Variants in UBE2G1 observed in about 807,000 individuals in gnomAD.
UBE2G1 encodes ubiquitin conjugating enzyme E2 G1.
A neutral mutation model predicts 22.7 loss-of-function variants in UBE2G1; 5 were observed. The ratio of observed to expected loss-of-function variants is 0.22; its 90% CI spans 0.12 to 0.46. The LOEUF (loss-of-function observed/expected upper bound fraction) is 0.46, where lower values mean the gene tolerates loss of function less well. Ranked by LOEUF, UBE2G1 falls within the 20% of genes least tolerant of loss-of-function variation. The probability of loss-of-function intolerance (pLI) is 0.99; values close to 1 mark genes in which losing one functional copy is unlikely to be tolerated. For synonymous variants in UBE2G1, 74 were observed against 67.5 expected (o/e 1.10, Z -0.47); for missense variants, 88 against 203.9 (o/e 0.43, Z 3.46).
intron 1 of UBE2G1, among the ~76,000 whole-genome samples, chr17:4,338,453 G>C (rs1313105301): frequency 6.6e-6 from 1 of 152,054 alleles, no homozygotes; most frequent in Admixed American, 6.6e-5. Flanking sequence ...CCGAAGATTC[G>C]CATAAGTTAC....
chr17:4,351,608 A>G (rs916111965), intron 1 of UBE2G1, among the ~76,000 whole-genome samples: 8 of 152,240 alleles, frequency 5.3e-5, no homozygotes, highest in Admixed American at 1.3e-4. Context: ...TGAAAATCAG[A>G]AATTATTCTG....
intron 5 of UBE2G1, among the ~76,000 whole-genome samples, chr17:4,282,412 T>G (rs190483379): frequency 6.6e-6 from 1 of 152,196 alleles, no homozygotes; most frequent in African/African-American, 2.4e-5. Context: ...AATAGGTAGA[T>G]GACTAATAGT....
rs1208733897 is a variant in UBE2G1 at position 4,270,620 on chromosome 17, G to C, written c.*1934C>G. 1 of 148,480 alleles carries C rather than the reference G, an allele frequency of 6.7e-6. No individual in the cohort carries two copies. The highest frequency in any genetic ancestry group is 2.5e-5 in the African/African-American group (1 of 40,638). The allele number at this position is 148,480 out of a possible 1,614,324, so 9.2% of individuals were successfully genotyped here. On this transcript the variant is annotated 3_prime_UTR_variant, in exon 6 of 6. Transcript: ENST00000396981. ...GGAGGGTGTGCAGTGCTGACATTTT[G>C]GGGCAACTATTTTTACAGTCTTTGG...
At chr17:4,298,774 G>A (rs909912917) in intron 2 of UBE2G1, among the ~76,000 whole-genome samples, 2 of 152,114 alleles carry the variant, frequency 1.3e-5, no homozygotes, top group Non-Finnish European at 2.9e-5. Flanking sequence ...ACTAGATGGG[G>A]AAACTGTACA....
intron 3 of UBE2G1, among the ~76,000 whole-genome samples, chr17:4,291,503 A>C (rs1969041354): frequency 6.6e-6 from 1 of 152,178 alleles, no homozygotes; most frequent in Non-Finnish European, 1.5e-5. Context: ...TTTCTTTAAA[A>C]ACATGCTATT....
At chr17:4,287,579 GTT>G (rs1968980635) in intron 4 of UBE2G1, among the ~76,000 whole-genome samples, 1 of 152,062 alleles carries the variant, frequency 6.6e-6, no homozygotes, top group East Asian at 1.9e-4. Context: ...TTTTCTGCCA[GTT>G]TTTAGTTCAA....
chr17:4,357,622 T>C (rs1969922871), intron 1 of UBE2G1, among the ~76,000 whole-genome samples: 2 of 151,826 alleles, frequency 1.3e-5, no homozygotes, highest in Non-Finnish European at 2.9e-5. Context: ...CATGTTACTG[T>C]ATACCACATA....
In UBE2G1 at chr17:4,321,939, A is replaced by G. The variant is rs116262802; in HGVS notation, c.47-14816T>C. Among the ~76,000 whole-genome samples, 765 of 152,350 alleles carry G rather than the reference A, an allele frequency of 5.0e-3. 5 individuals are homozygous for G. Among genetic ancestry groups the G allele is most frequent in the African/African-American group, 0.018 (741 of 41,578 alleles). On this transcript the variant is annotated intron_variant, in intron 1 of 5. Coordinates refer to ENST00000396981, the MANE Select transcript of UBE2G1 (RefSeq NM_003342.5). Reference sequence around the variant, plus strand: ...AGTTTGAAATTTGAAAATTAGCAACATAATTTTTCTTTTTTATATTTTGAT... The same window carrying G: ...AGTTTGAAATTTGAAAATTAGCAACGTAATTTTTCTTTTTTATATTTTGAT...
intron 4 of UBE2G1, among the ~76,000 whole-genome samples, chr17:4,285,375 T>A (rs899920878): frequency 1.3e-5 from 2 of 151,906 alleles, no homozygotes; most frequent in African/African-American, 4.8e-5. Flanking sequence ...CAATAAGAAA[T>A]AGTAAAATAT....
At chr17:4,284,520 G>C (rs955533543) in intron 4 of UBE2G1, among the ~76,000 whole-genome samples, 22 of 151,672 alleles carry the variant, frequency 1.5e-4, no homozygotes, top group African/African-American at 5.3e-4. Context: ...AGAATCACTT[G>C]AACTCGGGAG....
chr17:4,327,456 A>G (rs898104646), intron 1 of UBE2G1, among the ~76,000 whole-genome samples: 1 of 152,166 alleles, frequency 6.6e-6, no homozygotes, highest in Non-Finnish European at 1.5e-5. Context: ...TGGGCAACAG[A>G]GCGAGACTGT....
chr17:4,272,519 A>G lies in UBE2G1; in HGVS notation c.*38-3T>C, dbSNP rs1327956059. The stretch of plus-strand genomic sequence containing the variant: ...TGCCATGTTTCTCAATTGGAGACCT[A>G]CAACAACAAAAACAACATTATATAG... On this transcript the variant is annotated splice_polypyrimidine_tract_variant and splice_region_variant and intron_variant, in intron 5 of 5. Transcript: ENST00000396981. 5 of 186,692 alleles carry G rather than the reference A, an allele frequency of 2.7e-5. No individual in the cohort carries two copies. The highest frequency in any genetic ancestry group is 9.6e-5 in the African/African-American group (4 of 41,600). The allele number at this position is 186,692 out of a possible 1,614,324, so 11.6% of individuals were successfully genotyped here.
chr17:4,357,402 A>C (rs927555874), intron 1 of UBE2G1, among the ~76,000 whole-genome samples: 1 of 150,198 alleles, frequency 6.7e-6, no homozygotes, highest in African/African-American at 2.4e-5. Context: ...CAGGACTATC[A>C]GTGGTTTCAG....
chr17:4,353,073 C>T (rs1218851119), intron 1 of UBE2G1, among the ~76,000 whole-genome samples: 1 of 152,050 alleles, frequency 6.6e-6, no homozygotes, highest in African/African-American at 2.4e-5. Flanking sequence ...AAAAAATTAG[C>T]CAGGTGTGGT....
At chr17:4,323,026 T>C (rs955761932) in intron 1 of UBE2G1, among the ~76,000 whole-genome samples, 21 of 152,316 alleles carry the variant, frequency 1.4e-4, no homozygotes, top group African/African-American at 4.1e-4. Context: ...TAACATTAAA[T>C]ATCACTGATA....
chr17:4,361,499 C>G (rs1376248767), intron 1 of UBE2G1, among the ~76,000 whole-genome samples: 1 of 151,602 alleles, frequency 6.6e-6, no homozygotes, highest in African/African-American at 2.4e-5. Context: ...TGCACTCCAG[C>G]CTGGGTGACA....
At position 4,271,035 on chromosome 17, in the gene UBE2G1, A is replaced by G. The variant is rs1968752701; in HGVS notation, c.*1519T>C. On this transcript the variant is annotated 3_prime_UTR_variant, in exon 6 of 6. Transcript: ENST00000396981. The stretch of plus-strand genomic sequence containing the variant: ...TCTCAAGTTCTATCCCTTATAAGCC[A>G]AAGACTACTTCCCACACACAACCTC... The G allele has an allele frequency of 6.6e-6, 1 of 152,238 alleles. No individual in the cohort carries two copies. The highest frequency in any genetic ancestry group is 2.4e-5 in the African/African-American group (1 of 41,462). The allele number at this position is 152,238 out of a possible 1,614,324, so 9.4% of individuals were successfully genotyped here. A position where few individuals can be genotyped will look rare whatever the true frequency, so the allele number is the denominator to read the frequency against.
intron 1 of UBE2G1, among the ~76,000 whole-genome samples, chr17:4,310,305 A>G (rs1462907802): frequency 6.6e-6 from 1 of 152,250 alleles, no homozygotes. Context: ...TGATCCCCAG[A>G]GAAGTAAACA....
chr17:4,316,757 G>A (rs978158144), intron 1 of UBE2G1, among the ~76,000 whole-genome samples: 30 of 151,854 alleles, frequency 2.0e-4, no homozygotes, highest in Non-Finnish European at 5.9e-5. Context: ...GGTCAAGGTG[G>A]GAGGATCGCT....
Sources: gnomAD v4.1 joint callset for allele counts (sites outside exome capture counted in the v4.1 genomes callset) on GRCh38, gnomAD v4.1.1 for gene constraint, MANE v1.5 for transcripts, NCBI Gene and HGNC (gene_info 2026-07-23, HGNC 2026-07-21) for gene names.